The following LPIN3 variants were observed in gnomAD, a reference collection of about 807,000 sequenced individuals.
LPIN3 encodes phosphatidate phosphatase LPIN3.
In LPIN3, 82 loss-of-function variants were observed where a neutral mutation model predicts 94.7. The ratio of observed to expected loss-of-function variants is 0.87; its 90% CI spans 0.72 to 1.04. The LOEUF (loss-of-function observed/expected upper bound fraction) is 1.04. Ranked by LOEUF, LPIN3 falls within the 50% of genes least tolerant of loss-of-function variation. The pLI is 0.00. For synonymous variants in LPIN3, 418 were observed against 443.3 expected, an observed-to-expected ratio of 0.94 and a Z score of 0.72; for missense variants, 996 against 1,090.5, an observed-to-expected ratio of 0.91 and a Z score of 1.22.
intron 4 of LPIN3, 36 bp from the exon 5 acceptor site, chr20:41,349,056 C>A: frequency 6.2e-7 from 1 of 1,612,406 alleles, no homozygotes; most frequent in Non-Finnish European, 8.5e-7. Context: ...GGCATCCTGC[C>A]TGATCAGTGA....
At chr20:41,341,193 C>T (rs956269592) in intron 1 of LPIN3, among the ~76,000 whole-genome samples, 191 bp downstream of exon 1, 2 of 152,212 alleles carry the variant, frequency 1.3e-5, no homozygotes, top group Non-Finnish European at 1.5e-5. Context: ...CTGCAGGCCC[C>T]CTGGACACCC....
In LPIN3 at chr20:41,346,137, T is replaced by A. The variant is rs2045767083; in HGVS notation, c.192+142T>A. The A allele has an allele frequency of 4.4e-6, 4 of 914,252 alleles. No homozygotes were observed. The East Asian group carries it at 1.1e-4, about 24-fold the overall frequency. 56.6% of individuals were successfully genotyped at this position (914,252 alleles called of 1,614,324 possible). ...GACAGGCTTCCCTTCATTTGTACTTTCTTTGAAGGTTTTTGGGTTGATTTG... is the reference window on the plus strand; with the variant it reads ...GACAGGCTTCCCTTCATTTGTACTTACTTTGAAGGTTTTTGGGTTGATTTG... On this transcript the variant is annotated intron_variant, in intron 2 of 19. Transcript: ENST00000373257.
chr20:41,358,346 C>A lies in LPIN3; in HGVS notation c.2302C>A (p.Pro768Thr). 2 of 1,614,066 alleles carry A rather than the reference C, an allele frequency of 1.2e-6. No individual in the cohort carries two copies. Among genetic ancestry groups the A allele is most frequent in the South Asian group, 2.2e-5 (2 of 91,080 alleles). ...QPFYAAFGNR[P>T]NDVFAYRQVG... ...CTTCTATGCTGCCTTTGGGAATAGG[C>A]CCAATGTGAGTGTGTCCCCTCCACT... The change falls in exon 18 of 20, where the codon CCC becomes ACC. Residue 768 changes from proline (P) to threonine (T), a missense_variant. By Grantham distance (38) the Pro-to-Thr change is conservative. Transcript: ENST00000373257.
chr20:41,353,197 C>A (rs1280266828), intron 11 of LPIN3, among the ~76,000 whole-genome samples: 5 of 152,206 alleles, frequency 3.3e-5, no homozygotes, highest in African/African-American at 9.6e-5. Flanking sequence ...TATGGGGAAG[C>A]CTTTGGATCT....
chr20:41,341,126 G>C (rs1383584969), intron 1 of LPIN3, 124 bp downstream of exon 1: 2 of 152,342 alleles, frequency 1.3e-5, no homozygotes, highest in Non-Finnish European at 2.9e-5. Flanking sequence ...CTGTAAGATG[G>C]GGACGCAGGG....
rs1034304300 is a variant in LPIN3 at position 41,348,827 on chromosome 20, T to C, written c.497T>C (p.Leu166Pro). 12 of 1,611,102 alleles carry C rather than the reference T, an allele frequency of 7.4e-6. No homozygotes were observed. Among genetic ancestry groups the C allele is most frequent in the Non-Finnish European group, 1.0e-5 (12 of 1,178,722 alleles). Residue 166 changes from leucine (L) to proline (P), a missense_variant, in exon 4 of 20, where the codon CTG becomes CCG. By Grantham distance (98) the Leu-to-Pro change is moderately conservative (BLOSUM62 -3). Coordinates refer to ENST00000373257, the MANE Select transcript of LPIN3 (RefSeq NM_022896.3). ...GCAACTGATTCTAGTCCAGAGGAAC[T>C]GGAGGCAGGCGCTGAGAGTGAGCTA... ...AVATDSSPEE[L>P]EAGAESELSL...
chr20:41,352,732 G>A (rs768952377), intron 10 of LPIN3, 33 bp downstream of exon 10: 9 of 1,611,886 alleles, frequency 5.6e-6, no homozygotes, highest in Non-Finnish European at 7.6e-6. Flanking sequence ...CTGGCAGCCG[G>A]AGAGTCATTT....
At chr20:41,353,421 GA>G (rs2046096425) in intron 11 of LPIN3, among the ~76,000 whole-genome samples, 2 of 152,210 alleles carry the variant, frequency 1.3e-5, no homozygotes, top group African/African-American at 4.8e-5. Flanking sequence ...GACTCATCCA[GA>G]TGAATATAAT....
Position 41,350,216 on chromosome 20 carries a change from T to C in LPIN3, c.921T>C (p.Leu307=). Residue 307 remains leucine (L), a synonymous_variant, in exon 7 of 20, where the codon CTT becomes CTC. Coordinates refer to ENST00000373257, the MANE Select transcript of LPIN3 (RefSeq NM_022896.3). ...PIQQTEAGAD[L]QPDTEDPTLV... The stretch of plus-strand genomic sequence containing the variant: ...AGCAAACAGAGGCTGGTGCCGACCT[T>C]CAGCCTGACACAGAGGATCCCACTC... 6.2e-7 allele frequency: 1 copy of C among 1,613,612 alleles called. No individual in the cohort carries two copies. The highest frequency in any genetic ancestry group is 8.5e-7 in the Non-Finnish European group (1 of 1,180,016).
intron 19 of LPIN3, 81 bp from the exon 20 acceptor site, chr20:41,358,641 C>T (rs2046302904): frequency 6.2e-7 from 1 of 1,604,626 alleles, no homozygotes. Flanking sequence ...GGAGTCTGTC[C>T]CTTACTCTGG....
chr20:41,349,477 C>T (rs2045919471), intron 5 of LPIN3, among the ~76,000 whole-genome samples: 1 of 152,066 alleles, frequency 6.6e-6, no homozygotes, highest in African/African-American at 2.4e-5. Flanking sequence ...CAAATGGAAA[C>T]CCTATGCCCA....
intron 11 of LPIN3, among the ~76,000 whole-genome samples, chr20:41,353,951 C>T (rs911903926): frequency 5.3e-5 from 8 of 152,140 alleles, no homozygotes; most frequent in Non-Finnish European, 1.5e-5. Context: ...CCGCTTGAGG[C>T]CCCTGAGAGA....
rs141249436 is a variant in LPIN3, at chr20:41,354,997, C to G, written c.1664+134C>G. ...TTTTTTTTTGTCATTCCTCAAGCAC[C>G]AAGCACTTCTTTTTTTGTTGTTTTT... On this transcript the variant is annotated intron_variant, in intron 13 of 19. Transcript: ENST00000373257. 84 of 800,016 alleles carry G rather than the reference C, an allele frequency of 1.0e-4. No individual in the cohort carries two copies. The African/African-American group carries it at 1.4e-3, about 13-fold the overall frequency. 49.6% of individuals were successfully genotyped at this position (800,016 alleles called of 1,614,324 possible).
intron 1 of LPIN3, among the ~76,000 whole-genome samples, chr20:41,345,092 C>G (rs1484186628): frequency 6.6e-6 from 1 of 152,230 alleles, no homozygotes; most frequent in African/African-American, 2.4e-5. Context: ...TTCCAACTCA[C>G]AGGACCAGCA....
At chr20:41,346,078 C>G (rs1174758345) in intron 2 of LPIN3, 83 bp downstream of exon 2, 3 of 1,403,888 alleles carry the variant, frequency 2.1e-6, no homozygotes, top group South Asian at 1.3e-5. Flanking sequence ...AGGACAGGAC[C>G]TGGGGCCTCC....
chr20:41,355,821 C>A, intron 13 of LPIN3, 75 bp from the exon 14 acceptor site: 1 of 1,575,128 alleles, frequency 6.3e-7, no homozygotes, highest in Non-Finnish European at 8.7e-7. Context: ...ACAGGTCCAG[C>A]CTCCTCTTGG....
At chr20:41,347,739 C>T in intron 3 of LPIN3, 92 bp downstream of exon 3, 1 of 1,159,166 alleles carries the variant, frequency 8.6e-7, no homozygotes, top group Non-Finnish European at 1.2e-6. Context: ...CATCCTCGCC[C>T]TTCCCCGGGA....
rs199630486 is a variant in LPIN3 at position 41,345,903 on chromosome 20, C to T, written c.100C>T (p.Leu34=). The T allele has an allele frequency of 2.0e-4, 324 of 1,614,102 alleles. No homozygotes were observed. Among genetic ancestry groups the T allele is most frequent in the Non-Finnish European group, 2.5e-4 (294 of 1,180,056 alleles). ...PATLSGGIDV[L]VVKQVDGSFR... is the part of the protein sequence containing the mutation. ...CACACTGAGCGGCGGCATTGACGTG[C>T]TGGTGGTGAAGCAGGTGGACGGCTC... The change falls in exon 2 of 20, where the codon CTG becomes TTG. Residue 34 remains leucine (L), a synonymous_variant. Transcript: ENST00000373257.
In LPIN3 at chr20:41,351,849, C is replaced by T. The variant is rs2046027246; in HGVS notation, c.1131C>T (p.Gly377=). The T allele has an allele frequency of 1.2e-6, 2 of 1,614,190 alleles. No individual in the cohort carries two copies. Among genetic ancestry groups the T allele is most frequent in the Non-Finnish European group, 1.7e-6 (2 of 1,180,038 alleles). Residue 377 remains glycine, a synonymous_variant, in exon 8 of 20, where the codon GGC becomes GGT. Transcript: ENST00000373257. The part of the protein sequence containing the change: ...KGSPKRSQHL[G]PSDIYLDDLP... ...CCCCAAAGAGAAGCCAGCACCTGGG[C>T]CCCAGTGACATCTACCTGGATGACT...
Sources: gnomAD v4.1 joint callset for allele counts (sites outside exome capture counted in the v4.1 genomes callset) on GRCh38, gnomAD v4.1.1 for gene constraint, MANE v1.5 for transcripts, NCBI Gene and HGNC (gene_info 2026-07-23, HGNC 2026-07-21) for gene names.